SEMA4F: variants seen among roughly 807,000 people sequenced by gnomAD.
The protein encoded by SEMA4F is semaphorin-4F.
In SEMA4F, 51 loss-of-function variants were observed where a neutral mutation model predicts 78.4. The observed-to-expected ratio is 0.65, with a 90% CI of 0.52 to 0.82. The LOEUF is 0.82. Ranked by LOEUF, SEMA4F falls within the 40% of genes least tolerant of loss-of-function variation. The pLI, the probability that SEMA4F is intolerant of heterozygous loss-of-function variation, is 0.00. For missense variants in SEMA4F, 938 were observed against 1,014.4 expected (o/e 0.92, Z 1.02); for synonymous variants, 418 against 408.7 (o/e 1.02, Z -0.27).
chr2:74,694,489 A>G, the SEMA4F span, among the ~76,000 whole-genome samples: 1 of 152,164 alleles, frequency 6.6e-6, no homozygotes, highest in Non-Finnish European at 1.5e-5. Flanking sequence ...TTTGAAGCCA[A>G]GTCTATCTGC....
chr2:74,698,655 C>A, the SEMA4F span, among the ~76,000 whole-genome samples: 1 of 152,204 alleles, frequency 6.6e-6, no homozygotes, highest in African/African-American at 2.4e-5. Flanking sequence ...CGAGTCATGC[C>A]AAATCCATAT....
downstream of SEMA4F, among the ~76,000 whole-genome samples, chr2:74,686,105 C>CT (rs1252929999): frequency 4.5e-3 from 646 of 143,686 alleles, 1 homozygote; most frequent in Middle Eastern, 0.018. Flanking sequence ...CTTTTTTTTT[C>CT]TTTTTTTTTT....
chr2:74,666,922 T>C (rs1423965108), intron 5 of SEMA4F, among the ~76,000 whole-genome samples: 1 of 152,176 alleles, frequency 6.6e-6, no homozygotes. Flanking sequence ...TGTAGAAATA[T>C]ATAAAGAAGA....
chr2:74,706,375 C>T, the SEMA4F span, among the ~76,000 whole-genome samples: 1 of 152,120 alleles, frequency 6.6e-6, no homozygotes, highest in African/African-American at 2.4e-5. Context: ...TAGAGGGGCT[C>T]AGAACCCACA....
Position 74,658,055 on chromosome 2 carries a change from TGGGG to T in SEMA4F, c.456+106_456+109del, listed in dbSNP as rs1684247660. The stretch of plus-strand genomic sequence containing the variant: ...AAGGGTTTTCTGTGAGCGACCATGA[TGGGG>T]GCATGGTCAAGGCAACCATTGTGCA... On this transcript the variant is annotated intron_variant, in intron 4 of 13. Coordinates refer to ENST00000357877, the MANE Select transcript of SEMA4F (RefSeq NM_004263.5). The surrounding 1 kb of genome is among the most constrained non-coding windows in gnomAD (Gnocchi z 4.3). The T allele has an allele frequency of 6.0e-6, 6 of 996,928 alleles. No homozygotes were observed. Among genetic ancestry groups the T allele is most frequent in the Non-Finnish European group, 7.9e-6 (5 of 633,020 alleles). The allele number at this position is 996,928 out of a possible 1,614,324, so 61.8% of individuals were successfully genotyped here.
chr2:74,703,772 A>G, the SEMA4F span, among the ~76,000 whole-genome samples: 43,371 of 152,180 alleles, frequency 0.28, 9,163 homozygotes, highest in East Asian at 0.82. Context: ...CCAAATCTTT[A>G]TAGCATGAAA....
At chr2:74,664,014 T>C (rs1372805052) in intron 5 of SEMA4F, among the ~76,000 whole-genome samples, 2 of 152,224 alleles carry the variant, frequency 1.3e-5, no homozygotes, top group African/African-American at 4.8e-5. Context: ...TGTGAAATGA[T>C]TCTATCACAA....
chr2:74,666,531 GTC>G (rs1684708448), intron 5 of SEMA4F, among the ~76,000 whole-genome samples: 1 of 151,930 alleles, frequency 6.6e-6, no homozygotes. Flanking sequence ...GAAACTCTAT[GTC>G]TCTAGCTGTC....
downstream of SEMA4F, among the ~76,000 whole-genome samples, chr2:74,685,861 C>A (rs1006605843): frequency 6.6e-6 from 1 of 152,054 alleles, no homozygotes; most frequent in Non-Finnish European, 1.5e-5. Context: ...TTAAACAAAT[C>A]TACAAGAAAA....
At chr2:74,690,893 T>G in the SEMA4F span, among the ~76,000 whole-genome samples, 1 of 152,240 alleles carries the variant, frequency 6.6e-6, no homozygotes, top group Non-Finnish European at 1.5e-5. Flanking sequence ...TAATGTGTAC[T>G]TGTAGTTTTC....
intron 12 of SEMA4F, among the ~76,000 whole-genome samples, chr2:74,678,922 C>CT (rs922604713): frequency 1.3e-5 from 2 of 151,816 alleles, no homozygotes; most frequent in African/African-American, 4.8e-5. Context: ...AGTTTTTATC[C>CT]TTTTTTTTCC....
Position 74,680,566 on chromosome 2 carries a change from CGGAA to C in SEMA4F, c.*363_*366del. 1.6e-5 allele frequency: 3 copies of C among 183,692 alleles called. No homozygotes were observed. The Admixed American group carries it at 1.7e-4, about 10-fold the overall frequency. The allele number at this position is 183,692 out of a possible 1,614,324, so 11.4% of individuals were successfully genotyped here. A position where few individuals can be genotyped will look rare whatever the true frequency, so the allele number is the denominator to read the frequency against. On this transcript the variant is annotated 3_prime_UTR_variant, in exon 14 of 14. Transcript: ENST00000357877. The stretch of plus-strand genomic sequence containing the variant: ...CTTTGCTTTCTGGTTGGAGCCTGGC[CGGAA>C]GGAAGAGCCCTGGAGGTGGTTGGGG...
At chr2:74,665,377 G>C (rs909069208) in intron 5 of SEMA4F, among the ~76,000 whole-genome samples, 1 of 151,532 alleles carries the variant, frequency 6.6e-6, no homozygotes, top group Admixed American at 6.6e-5. Context: ...CTACAGGCGC[G>C]TGTCACCATG....
In SEMA4F at chr2:74,679,289, A is replaced by G. The variant is rs751619340; in HGVS notation, c.1657A>G (p.Ile553Val). 2.2e-5 allele frequency: 36 copies of G among 1,613,394 alleles called. No homozygotes were observed. The highest frequency in any genetic ancestry group is 3.0e-5 in the Non-Finnish European group (35 of 1,179,282). The change falls in exon 13 of 14, where the codon ATA becomes GTA. Residue 553 changes from isoleucine (I) to valine (V), a missense_variant. Coordinates refer to ENST00000357877, the MANE Select transcript of SEMA4F (RefSeq NM_004263.5). Reference protein sequence around the residue: ...AGEHRGLVQDIESADVSSLCP... With the variant: ...AGEHRGLVQDVESADVSSLCP... ...TCTTCTTTATAGGTTGGTCCAAGACATAGAGTCAGCAGATGTCTCCTCTTT... is the reference window on the plus strand; with the variant it reads ...TCTTCTTTATAGGTTGGTCCAAGACGTAGAGTCAGCAGATGTCTCCTCTTT...
downstream of SEMA4F, among the ~76,000 whole-genome samples, chr2:74,685,201 A>G (rs996743296): frequency 4.6e-5 from 7 of 152,174 alleles, no homozygotes; most frequent in African/African-American, 1.7e-4. Context: ...TTTAAAAAAT[A>G]CCTGGGTAAG....
chr2:74,688,124 C>T (rs1456426488), downstream of SEMA4F, among the ~76,000 whole-genome samples: 2 of 152,150 alleles, frequency 1.3e-5, no homozygotes, highest in African/African-American at 2.4e-5. Context: ...ATAACTTGCT[C>T]AGGTCATACA....
chr2:74,661,275 A>G (rs1025684166), intron 4 of SEMA4F, among the ~76,000 whole-genome samples: 4 of 152,250 alleles, frequency 2.6e-5, no homozygotes, highest in Non-Finnish European at 5.9e-5. Context: ...TTTGAAAAGT[A>G]GTTGAAAATA....
the SEMA4F span, among the ~76,000 whole-genome samples, chr2:74,705,112 T>C: frequency 9.7e-4 from 148 of 152,304 alleles, 1 homozygote; most frequent in African/African-American, 3.4e-3. Context: ...ATTACATTTT[T>C]TAAAAAAGGA....
At chr2:74,677,447 A>G (rs183540281) in intron 12 of SEMA4F, among the ~76,000 whole-genome samples, 1 of 152,188 alleles carries the variant, frequency 6.6e-6, no homozygotes, top group Non-Finnish European at 1.5e-5. Flanking sequence ...AAAAAAAACC[A>G]TATTACCATT....
Sources: allele counts gnomAD v4.1 joint callset (sites outside exome capture counted in the v4.1 genomes callset), GRCh38; gene constraint gnomAD v4.1.1; non-coding constraint Gnocchi (gnomAD v3.1); transcripts MANE v1.5; gene names NCBI Gene and HGNC (gene_info 2026-07-23, HGNC 2026-07-21).